H3-3A: variants seen among roughly 807,000 people sequenced by gnomAD.
H3-3A encodes the protein histone H3.3.
For missense variants in H3-3A, 7 were observed against 184.0 expected, an observed-to-expected ratio of 0.04 and a Z score of 5.57; for synonymous variants, 49 against 61.4, an observed-to-expected ratio of 0.80 and a Z score of 0.95.
chr1:226,063,334 C>T (rs1054756091), intron 1 of H3-3A, among the ~76,000 whole-genome samples: 1 of 152,144 alleles, frequency 6.6e-6, no homozygotes, highest in Admixed American at 6.5e-5. Flanking sequence ...TCTCTCTTCC[C>T]CATTTCAAAA....
chr1:226,063,688 T>C (rs1391738946), intron 1 of H3-3A, among the ~76,000 whole-genome samples: 1 of 152,050 alleles, frequency 6.6e-6, no homozygotes, highest in African/African-American at 2.4e-5. Flanking sequence ...TGTCGTGCGT[T>C]AATTAAAGCC....
chr1:226,064,044 A>G (rs533441464), intron 1 of H3-3A: 5 of 216,966 alleles, frequency 2.3e-5, no homozygotes, highest in South Asian at 2.1e-4. Context: ...AATTAAATAA[A>G]TTGGATCAAA....
At chr1:226,071,243 A>C in intron 3 of H3-3A, 108 bp from the exon 4 acceptor site, 1 of 792,652 alleles carries the variant, frequency 1.3e-6, no homozygotes, top group East Asian at 2.7e-5. Context: ...CATCTTGCCC[A>C]GTCATTTTTT....
intron 3 of H3-3A, among the ~76,000 whole-genome samples, chr1:226,069,768 T>C (rs1576202138): frequency 6.6e-6 from 1 of 151,922 alleles, no homozygotes; most frequent in South Asian, 2.1e-4. Flanking sequence ...GAGGTGGAGG[T>C]TGCAGTGAGC....
chr1:226,064,345 C>T lies in H3-3A; in HGVS notation c.-7C>T, dbSNP rs2102735371. 1.2e-6 allele frequency: 2 copies of T among 1,611,532 alleles called. No individual in the cohort carries two copies. Among genetic ancestry groups the T allele is most frequent in the Non-Finnish European group, 1.7e-6 (2 of 1,178,576 alleles). ...TGCTGGTAGGTAAGTAAGGAGGTCT[C>T]TGTACCATGGCTCGTACAAAGCAGA... On this transcript the variant is annotated 5_prime_UTR_variant, in exon 2 of 4. Coordinates refer to ENST00000366815, the MANE Select transcript of H3-3A (RefSeq NM_002107.7).
intron 1 of H3-3A, 31 bp from the exon 2 acceptor site, chr1:226,064,298 A>G: frequency 6.4e-7 from 1 of 1,552,146 alleles, no homozygotes; most frequent in Non-Finnish European, 8.8e-7. Context: ...GTAGTTGCAT[A>G]TGGTGATTTT....
chr1:226,064,891 A>AC (rs941125152), intron 2 of H3-3A, among the ~76,000 whole-genome samples: 9 of 152,008 alleles, frequency 5.9e-5, no homozygotes, highest in African/African-American at 2.2e-4. Context: ...TAAAGTTCCT[A>AC]CCCCCTCATT....
intron 3 of H3-3A, chr1:226,066,219 G>GA (rs1485059395): frequency 4.2e-6 from 1 of 237,848 alleles, no homozygotes; most frequent in East Asian, 8.5e-5. Flanking sequence ...AGGTCCTGAA[G>GA]AAACATATAG....
rs776640745 is a variant in H3-3A, at chr1:226,064,465, A to G, written c.114A>G (p.Lys38=). Residue 38 remains lysine, a synonymous_variant, in exon 2 of 4, where the codon AAA becomes AAG. Coordinates refer to ENST00000366815, the MANE Select transcript of H3-3A (RefSeq NM_002107.7). ...CGCCCTCTACTGGAGGGGTGAAGAA[A>G]CCTCATCGTTACAGGTATTAAAAAA... The part of the protein sequence containing the change: ...KSAPSTGGVK[K]PHRYRPGTVA... The G allele has an allele frequency of 6.2e-6, 10 of 1,612,180 alleles. No individual in the cohort carries two copies. The African/African-American group carries it at 6.7e-5, about 11-fold the overall frequency.
chr1:226,063,020 C>A (rs1322856242), intron 1 of H3-3A, among the ~76,000 whole-genome samples: 3 of 151,954 alleles, frequency 2.0e-5, no homozygotes. Context: ...AGCCCAACAG[C>A]AGCAACCGCC....
intron 3 of H3-3A, among the ~76,000 whole-genome samples, chr1:226,070,122 C>T (rs1379284155): frequency 2.0e-5 from 3 of 152,084 alleles, no homozygotes; most frequent in Admixed American, 6.6e-5. Flanking sequence ...AATTGGGGTA[C>T]GTAGAGGAAG....
rs554342401 is a variant in H3-3A, at chr1:226,065,460, G to T, written c.129-196G>T. 7.2e-5 allele frequency among the ~76,000 whole-genome samples: 11 copies of T among 152,264 alleles called. No homozygotes were observed. In the South Asian group the frequency reaches 1.0e-3, roughly 14 times the overall value. On this transcript the variant is annotated intron_variant, in intron 2 of 3. Transcript: ENST00000366815. Reference sequence around the variant, plus strand: ...TGCTAAGAATGCATTTTAATTTCATGCTTTTTGCTTTAAAGGTATTGTTAC... The same window carrying T: ...TGCTAAGAATGCATTTTAATTTCATTCTTTTTGCTTTAAAGGTATTGTTAC...
chr1:226,067,032 G>T (rs550477818), intron 3 of H3-3A: 3 of 152,052 alleles, frequency 2.0e-5, no homozygotes, highest in Admixed American at 1.3e-4. Flanking sequence ...TTTAATAGCC[G>T]ATTATCTTCA....
At chr1:226,062,442 G>A (rs921334937), upstream of H3-3A, among the ~76,000 whole-genome samples, 6 of 151,080 alleles carry the variant, frequency 4.0e-5, no homozygotes, top group African/African-American at 7.3e-5. Flanking sequence ...GGCCGGGTGC[G>A]GGCGGCAGTC....
chr1:226,064,984 A>T (rs1162674746), intron 2 of H3-3A, among the ~76,000 whole-genome samples: 2 of 152,218 alleles, frequency 1.3e-5, no homozygotes, highest in Non-Finnish European at 2.9e-5. Context: ...GGCATCTGCC[A>T]TTAGAGGGCA....
intron 3 of H3-3A, among the ~76,000 whole-genome samples, chr1:226,068,205 A>G (rs1431404921): frequency 6.6e-6 from 1 of 152,210 alleles, no homozygotes; most frequent in Non-Finnish European, 1.5e-5. Flanking sequence ...TACTTGTAAT[A>G]AAATTGGAAA....
At chr1:226,063,211 C>T (rs1259098188) in intron 1 of H3-3A, among the ~76,000 whole-genome samples, 2 of 152,060 alleles carry the variant, frequency 1.3e-5, no homozygotes, top group Admixed American at 1.3e-4. Context: ...GTGGAAATCG[C>T]CGCCGCTTCG....
chr1:226,069,103 G>A (rs183006216), intron 3 of H3-3A, among the ~76,000 whole-genome samples: 1 of 150,624 alleles, frequency 6.6e-6, no homozygotes, highest in Non-Finnish European at 1.5e-5. Context: ...CTGGAGTGCA[G>A]TGGTGCAATC....
upstream of H3-3A, chr1:226,062,542 G>C (rs1657752199): frequency 6.7e-6 from 1 of 149,702 alleles, no homozygotes; most frequent in South Asian, 2.1e-4. Context: ...GGCGGCGCGC[G>C]GGGGAGGGGC....
Sources: allele counts gnomAD v4.1 joint callset (sites outside exome capture counted in the v4.1 genomes callset), GRCh38; gene constraint gnomAD v4.1.1; transcripts MANE v1.5; gene names NCBI Gene and HGNC (gene_info 2026-07-23, HGNC 2026-07-21).